The following GPR176 variants were observed in gnomAD, a reference collection of about 807,000 sequenced individuals.
GPR176 encodes the protein G protein-coupled receptor 176, also known as G-protein coupled receptor 176.
GPR176 carries 26 observed loss-of-function variants against 35.4 expected under a neutral mutation model. The observed-to-expected ratio is 0.74, with a 90% CI of 0.54 to 1.02. The LOEUF is 1.02. Among genes scored for constraint, GPR176 ranks in the 50% least tolerant of loss-of-function variants. GPR176 has a pLI of 0.00. For missense variants in GPR176, 597 were observed against 665.3 expected, an observed-to-expected ratio of 0.90 and a Z score of 1.13; for synonymous variants, 278 against 271.3, an observed-to-expected ratio of 1.02 and a Z score of -0.24.
At chr15:39,893,252 C>T (rs947820983) in intron 1 of GPR176, among the ~76,000 whole-genome samples, 1 of 152,148 alleles carries the variant, frequency 6.6e-6, no homozygotes, top group Non-Finnish European at 1.5e-5. Context: ...GCCCTGCAGC[C>T]TTCCGCAGTG....
chr15:39,811,118 C>T (rs532874887), intron 1 of GPR176, among the ~76,000 whole-genome samples: 1 of 152,170 alleles, frequency 6.6e-6, no homozygotes, highest in South Asian at 2.1e-4. Flanking sequence ...ATATAGTTGG[C>T]TCTTGCTTTT....
intron 1 of GPR176, among the ~76,000 whole-genome samples, chr15:39,857,664 T>G (rs1326884055): frequency 1.3e-5 from 2 of 149,508 alleles, no homozygotes; most frequent in Non-Finnish European, 3.0e-5. Context: ...GGCAAGACAT[T>G]GTCTCAAAAA....
At chr15:39,804,773 T>G (rs1165727097) in intron 2 of GPR176, among the ~76,000 whole-genome samples, 1 of 152,180 alleles carries the variant, frequency 6.6e-6, no homozygotes, top group Non-Finnish European at 1.5e-5. Flanking sequence ...GAAAAATGAA[T>G]GAAGTACTGA....
intron 1 of GPR176, among the ~76,000 whole-genome samples, chr15:39,833,650 T>C (rs920380486): frequency 2.0e-5 from 3 of 152,196 alleles, no homozygotes; most frequent in African/African-American, 4.8e-5. Flanking sequence ...GTGATTTGTA[T>C]GGTAAGTGAA....
At chr15:39,869,199 T>G (rs1003434336) in intron 1 of GPR176, among the ~76,000 whole-genome samples, 13 of 151,968 alleles carry the variant, frequency 8.6e-5, no homozygotes, top group Non-Finnish European at 1.9e-4. Flanking sequence ...GCTTTTTATT[T>G]TGCTATTTTA....
At chr15:39,876,424 T>C (rs1274202476) in intron 1 of GPR176, among the ~76,000 whole-genome samples, 1 of 152,132 alleles carries the variant, frequency 6.6e-6, no homozygotes, top group Non-Finnish European at 1.5e-5. Context: ...AAATTGGATT[T>C]AAACACACCT....
In GPR176 at chr15:39,799,718, G is replaced by A. The variant is rs577860662; in HGVS notation, c.*1414C>T. 1 of 152,378 alleles carries A rather than the reference G, an allele frequency of 6.6e-6. No homozygotes were observed. The highest frequency in any genetic ancestry group is 2.1e-4 in the South Asian group (1 of 4,828). The allele number at this position is 152,378 out of a possible 1,614,324, so 9.4% of individuals were successfully genotyped here. On this transcript the variant is annotated 3_prime_UTR_variant, in exon 3 of 3. Coordinates refer to ENST00000561100, the MANE Select transcript of GPR176 (RefSeq NM_007223.3). ...AAGAACACAACACTCTAGAGAAAAG[G>A]GCAGAGCTGGCGCTTGGTTTGTCCT...
chr15:39,876,653 G>A (rs1169435226), intron 1 of GPR176, among the ~76,000 whole-genome samples: 1 of 151,960 alleles, frequency 6.6e-6, no homozygotes, highest in African/African-American at 2.4e-5. Context: ...AATTTTCACA[G>A]TGAGAACATG....
At chr15:39,895,355 T>C (rs1027770799) in intron 1 of GPR176, among the ~76,000 whole-genome samples, 27 of 152,104 alleles carry the variant, frequency 1.8e-4, no homozygotes, top group Admixed American at 1.8e-3. Flanking sequence ...CCAATACACA[T>C]GCAACTGAAA....
chr15:39,830,817 A>T (rs552099412), intron 1 of GPR176, among the ~76,000 whole-genome samples: 1 of 152,330 alleles, frequency 6.6e-6, no homozygotes, highest in Admixed American at 6.5e-5. Flanking sequence ...GAAATGTTAG[A>T]ATATGAAAGG....
intron 1 of GPR176, among the ~76,000 whole-genome samples, chr15:39,887,599 TAAAA>T (rs10561003): frequency 1.8e-4 from 25 of 141,890 alleles, no homozygotes; most frequent in African/African-American, 5.4e-4. Context: ...AATTTAAATT[TAAAA>T]AAAAAAAAAA....
rs1020277182 is a variant in GPR176 at position 39,800,044 on chromosome 15, T to C, written c.*1088A>G. The C allele has an allele frequency of 6.6e-6, 1 of 152,124 alleles. No homozygotes were observed. Among genetic ancestry groups the C allele is most frequent in the African/African-American group, 2.4e-5 (1 of 41,422 alleles). The allele number at this position is 152,124 out of a possible 1,614,324, so 9.4% of individuals were successfully genotyped here. On this transcript the variant is annotated 3_prime_UTR_variant, in exon 3 of 3. Coordinates refer to ENST00000561100, the MANE Select transcript of GPR176 (RefSeq NM_007223.3). ...GACTGGCCACACCTGAGTTCCGGAG[T>C]CTTCCTCGGAAGGAAACCATCTTTG...
Position 39,848,672 on chromosome 15 carries a change from C to A in GPR176, c.173-41414G>T, listed in dbSNP as rs541364433. Reference sequence around the variant, plus strand: ...AGTAAAAGAAAGACAACAGAAAAATCTTCAAATATTTGAAAGCTAAACAAC... The same window carrying A: ...AGTAAAAGAAAGACAACAGAAAAATATTCAAATATTTGAAAGCTAAACAAC... On this transcript the variant is annotated intron_variant, in intron 1 of 2. Transcript: ENST00000561100. 5.9e-4 allele frequency among the ~76,000 whole-genome samples: 90 copies of A among 152,104 alleles called. 2 individuals carry two copies. The South Asian group carries it at 0.017, about 29-fold the overall frequency.
chr15:39,918,044 TAAA>T (rs11410825), intron 1 of GPR176, among the ~76,000 whole-genome samples: 1 of 111,450 alleles, frequency 9.0e-6, no homozygotes, highest in African/African-American at 3.5e-5. Context: ...AAACTCTGTC[TAAA>T]AAAAAAAAAA....
In GPR176 at chr15:39,898,242, CT is replaced by C. The variant is rs537369385; in HGVS notation, c.172+21612del. 4.0e-5 allele frequency among the ~76,000 whole-genome samples: 6 copies of C among 150,886 alleles called. No homozygotes were observed. In the South Asian group the frequency reaches 8.4e-4, roughly 21 times the overall value. On this transcript the variant is annotated intron_variant, in intron 1 of 2. Transcript: ENST00000561100. The stretch of plus-strand genomic sequence containing the variant: ...TACAGAGTGGTGATTAAGTCTTCCC[CT>C]TTTTTTTTCAAACAAGATTTACGGT...
At chr15:39,853,576 T>A (rs76521334) in intron 1 of GPR176, among the ~76,000 whole-genome samples, 2,040 of 152,308 alleles carry the variant, frequency 0.013, 66 homozygotes, top group African/African-American at 0.047. Flanking sequence ...CATAATTTTT[T>A]AAAATACCTA....
In GPR176 at chr15:39,801,241, C is replaced by T. The variant is rs1449724547; in HGVS notation, c.1439G>A (p.Gly480Asp). Residue 480 changes from glycine (G) to aspartate (D), a missense_variant, in exon 3 of 3, where the codon GGC becomes GAC. By Grantham distance (94) the Gly-to-Asp change is moderately conservative. Coordinates refer to ENST00000561100, the MANE Select transcript of GPR176 (RefSeq NM_007223.3). ...CTGGATCAGCTCTTCTGGGGTGTTG[C>T]CCAAGGGGGGAAGCAGCCGCTTCTT... ...NSKKRLLPPL[G>D]NTPEELIQTK... The T allele has an allele frequency of 1.2e-6, 2 of 1,614,158 alleles. No individual in the cohort carries two copies. Among genetic ancestry groups the T allele is most frequent in the Admixed American group, 1.7e-5 (1 of 60,016 alleles).
chr15:39,881,902 A>G (rs2032490691), intron 1 of GPR176, among the ~76,000 whole-genome samples: 1 of 152,194 alleles, frequency 6.6e-6, no homozygotes, highest in Non-Finnish European at 1.5e-5. Flanking sequence ...CTGCCAAGGA[A>G]TATATTGGAC....
At chr15:39,890,103 G>A (rs1008545337) in intron 1 of GPR176, among the ~76,000 whole-genome samples, 7 of 151,940 alleles carry the variant, frequency 4.6e-5, no homozygotes, top group African/African-American at 1.2e-4. Context: ...ATATCACCAC[G>A]CCTGGCTTTT....
Sources: allele counts gnomAD v4.1 joint callset (sites outside exome capture counted in the v4.1 genomes callset), GRCh38; gene constraint gnomAD v4.1.1; transcripts MANE v1.5; gene names NCBI Gene and HGNC (gene_info 2026-07-23, HGNC 2026-07-21).